CDKL3: variants seen among roughly 807,000 people sequenced by gnomAD.
The protein encoded by CDKL3 is cyclin dependent kinase like 3.
Under a neutral mutation model 69.3 loss-of-function variants are expected in CDKL3, and 65 were observed. The observed-to-expected ratio is 0.94, with a 90% confidence interval of 0.77 to 1.15. The LOEUF (loss-of-function observed/expected upper bound fraction) is 1.15, where lower values mean the gene tolerates loss of function less well. Among genes scored for constraint, CDKL3 ranks in the 50% most tolerant of loss-of-function variants. The pLI is 0.00. For synonymous variants in CDKL3, 202 were observed against 221.6 expected, an observed-to-expected ratio of 0.91 and a Z score of 0.79; for missense variants, 652 against 689.2, an observed-to-expected ratio of 0.95 and a Z score of 0.61.
intron 4 of CDKL3, among the ~76,000 whole-genome samples, chr5:134,334,130 G>C (rs946684833): frequency 2.0e-5 from 3 of 152,124 alleles, no homozygotes; most frequent in Admixed American, 6.6e-5. Context: ...ATGGTAGTTT[G>C]TATTTCTGTG....
At chr5:134,299,590 T>C in intron 12 of CDKL3, 1 of 1,365,858 alleles carries the variant, frequency 7.3e-7, no homozygotes, top group Non-Finnish European at 9.6e-7. Context: ...GATATACCTG[T>C]AAAATTATCT....
intron 4 of CDKL3, among the ~76,000 whole-genome samples, chr5:134,342,440 A>C (rs1160707932): frequency 1.3e-5 from 2 of 152,076 alleles, no homozygotes; most frequent in African/African-American, 4.8e-5. Context: ...CTACTAAAAA[A>C]ATACAAAAAA....
intron 4 of CDKL3, among the ~76,000 whole-genome samples, chr5:134,338,417 T>C (rs111607863): frequency 0.014 from 2,204 of 152,126 alleles, 40 homozygotes; most frequent in African/African-American, 0.048. Context: ...AGGCCAGGTG[T>C]GGTGGCTCAC....
At chr5:134,361,846 G>C (rs1756098529) in intron 2 of CDKL3, among the ~76,000 whole-genome samples, 1 of 152,230 alleles carries the variant, frequency 6.6e-6, no homozygotes, top group Non-Finnish European at 1.5e-5. Context: ...GGAGGTTGCA[G>C]TGAGCCGAGA....
chr5:134,334,640 T>G (rs1776613772), intron 4 of CDKL3, among the ~76,000 whole-genome samples: 1 of 152,236 alleles, frequency 6.6e-6, no homozygotes, highest in African/African-American at 2.4e-5. Context: ...CATTTCTTAA[T>G]CCTGAGTTCT....
chr5:134,328,240 CAG>C (rs554014584), intron 4 of CDKL3, among the ~76,000 whole-genome samples: 85 of 152,044 alleles, frequency 5.6e-4, no homozygotes, highest in African/African-American at 2.0e-3. Flanking sequence ...AATATGTTCA[CAG>C]AACTAAAGGA....
At chr5:134,284,467 T>C (rs1036732417), downstream of CDKL3, among the ~76,000 whole-genome samples, 1 of 152,114 alleles carries the variant, frequency 6.6e-6, no homozygotes, top group Non-Finnish European at 1.5e-5. Flanking sequence ...CAGGTGAAAT[T>C]AGAATTACTG....
chr5:134,302,475 A>T, intron 12 of CDKL3, 115 bp downstream of exon 12: 2 of 634,446 alleles, frequency 3.2e-6, no homozygotes, highest in Non-Finnish European at 5.5e-6. Flanking sequence ...TAGTTCAAAG[A>T]TTATAAAATT....
chr5:134,284,044 G>C (rs1253507963), downstream of CDKL3, among the ~76,000 whole-genome samples: 5 of 152,090 alleles, frequency 3.3e-5, no homozygotes, highest in Admixed American at 3.3e-4. Flanking sequence ...ATGGTCATGG[G>C]AAGCTCCACC....
chr5:134,334,744 A>G (rs1776644534), intron 4 of CDKL3, among the ~76,000 whole-genome samples: 1 of 152,146 alleles, frequency 6.6e-6, no homozygotes. Flanking sequence ...TATGTGGTCA[A>G]TTTTAGAATA....
intron 2 of CDKL3, among the ~76,000 whole-genome samples, chr5:134,361,586 A>C (rs1202591783): frequency 6.6e-6 from 1 of 152,186 alleles, no homozygotes. Context: ...TGCTGCAGCA[A>C]TAGCATATTG....
At chr5:134,310,982 G>A (rs1052052152) in intron 7 of CDKL3, among the ~76,000 whole-genome samples, 3 of 152,056 alleles carry the variant, frequency 2.0e-5, no homozygotes, top group Non-Finnish European at 2.9e-5. Context: ...CTAACGTCAC[G>A]TCCAAAGACA....
chr5:134,326,024 C>T (rs1391828775), intron 4 of CDKL3, among the ~76,000 whole-genome samples: 2 of 150,728 alleles, frequency 1.3e-5, no homozygotes, highest in East Asian at 2.0e-4. Flanking sequence ...CCGCACGCCT[C>T]GGCCTCCCAA....
chr5:134,329,562 T>C (rs1371337224), intron 4 of CDKL3, among the ~76,000 whole-genome samples: 1 of 151,402 alleles, frequency 6.6e-6, no homozygotes, highest in Non-Finnish European at 1.5e-5. Flanking sequence ...CTCCGCTTCC[T>C]GGGTTGACGC....
At chr5:134,355,884 C>T (rs1754486007) in intron 3 of CDKL3, among the ~76,000 whole-genome samples, 1 of 152,156 alleles carries the variant, frequency 6.6e-6, no homozygotes, top group Admixed American at 6.6e-5. Context: ...AATCTAGTCC[C>T]CGCTTCCATC....
chr5:134,350,684 A>G (rs1753023883), intron 3 of CDKL3, among the ~76,000 whole-genome samples: 1 of 152,140 alleles, frequency 6.6e-6, no homozygotes, highest in African/African-American at 2.4e-5. Context: ...AGAAAAACCA[A>G]AAGAACTTAA....
intron 3 of CDKL3, among the ~76,000 whole-genome samples, chr5:134,351,593 C>A (rs1199247285): frequency 1.4e-5 from 2 of 142,440 alleles, no homozygotes; most frequent in East Asian, 3.9e-4. Flanking sequence ...TGTCTGTAGT[C>A]CTACAGCCTA....
chr5:134,347,819 G>A (rs1752318595), intron 4 of CDKL3, among the ~76,000 whole-genome samples: 1 of 151,876 alleles, frequency 6.6e-6, no homozygotes, highest in Non-Finnish European at 1.5e-5. Flanking sequence ...TCCAGAATAG[G>A]CAAATCCATA....
chr5:134,359,565 A>T lies in CDKL3; in HGVS notation c.360+332T>A, dbSNP rs115660348. On this transcript the variant is annotated intron_variant, in intron 3 of 12. Coordinates refer to ENST00000265334, the MANE Select transcript of CDKL3 (RefSeq NM_001113575.2). ...CCTCCCTTTATATGAGCAACTCTCC[A>T]TTAAGCCACAGACCTGACTTTCAAT... Among the ~76,000 whole-genome samples the T allele has an allele frequency of 6.0e-3, 911 of 152,136 alleles. 6 individuals are homozygous for T. The highest frequency in any genetic ancestry group is 0.02 in the African/African-American group (845 of 41,498).
Sources: gnomAD v4.1 joint callset for allele counts (sites outside exome capture counted in the v4.1 genomes callset) on GRCh38, gnomAD v4.1.1 for gene constraint, MANE v1.5 for transcripts, NCBI Gene and HGNC (gene_info 2026-07-23, HGNC 2026-07-21) for gene names.